The following SPINK13 variants were observed in gnomAD, a reference collection of about 807,000 sequenced individuals.
The protein encoded by SPINK13 is serine peptidase inhibitor Kazal type 13.
Under a neutral mutation model 11.0 loss-of-function variants are expected in SPINK13, and 11 were observed. That is an observed-to-expected ratio of 1.00 (90% CI 0.63 to 1.65). The LOEUF (loss-of-function observed/expected upper bound fraction) is 1.65, where lower values mean the gene tolerates loss of function less well. SPINK13 is among the 40% of genes most tolerant of loss of function. SPINK13 has a pLI of 0.00. For synonymous variants in SPINK13, 31 were observed against 35.6 expected (o/e 0.87, Z 0.46); for missense variants, 113 against 117.7 (o/e 0.96, Z 0.19).
At chr5:148,278,720 G>A (rs2113370699) in intron 3 of SPINK13, among the ~76,000 whole-genome samples, 1 of 152,306 alleles carries the variant, frequency 6.6e-6, no homozygotes, top group South Asian at 2.1e-4. Flanking sequence ...TAAGTGCGAT[G>A]TGGTGCTGAG....
intron 3 of SPINK13, among the ~76,000 whole-genome samples, chr5:148,279,091 C>CTTTTTTTTTTTTTTTTTTTTTTTTTTTT (rs746029113): frequency 1.9e-5 from 1 of 51,656 alleles, no homozygotes; most frequent in Non-Finnish European, 3.6e-5. Context: ...GCAACCCCTG[C>CTTTTTTTTTTTTTTTTTTTTTTTTTTTT]TTTTTTTTTT....
At chr5:148,277,184 G>A (rs1408977055) in intron 3 of SPINK13, among the ~76,000 whole-genome samples, 2 of 152,202 alleles carry the variant, frequency 1.3e-5, no homozygotes, top group Non-Finnish European at 2.9e-5. Flanking sequence ...GGGCTGAGAT[G>A]ATGGAGTTTT....
chr5:148,282,628 AG>A (rs1359352301), intron 4 of SPINK13, among the ~76,000 whole-genome samples: 1 of 152,250 alleles, frequency 6.6e-6, no homozygotes, highest in African/African-American at 2.4e-5. Flanking sequence ...TAAGAGATGT[AG>A]AAAAAGATGC....
intron 1 of SPINK13, 98 bp from the exon 2 acceptor site, chr5:148,269,942 A>T (rs1756324969): frequency 1.3e-6 from 1 of 741,280 alleles, no homozygotes; most frequent in Admixed American, 2.5e-5. Context: ...CACCAGGGCA[A>T]GTGTACAGGA....
chr5:148,285,291 G>T (rs1384620651), intron 4 of SPINK13, among the ~76,000 whole-genome samples: 1 of 152,092 alleles, frequency 6.6e-6, no homozygotes, highest in African/African-American at 2.4e-5. Context: ...AAGTGCATTA[G>T]ATATATATCA....
At chr5:148,280,974 G>A (rs1192238689) in intron 3 of SPINK13, among the ~76,000 whole-genome samples, 1 of 152,166 alleles carries the variant, frequency 6.6e-6, no homozygotes, top group Non-Finnish European at 1.5e-5. Flanking sequence ...TGTCAGTGAT[G>A]CCCTGCCCAG....
intron 3 of SPINK13, among the ~76,000 whole-genome samples, chr5:148,281,633 C>T (rs767389782): frequency 4.6e-5 from 7 of 152,172 alleles, no homozygotes; most frequent in Non-Finnish European, 1.0e-4. Flanking sequence ...TAACCAGTTC[C>T]AGTGAGATAA....
At chr5:148,279,384 T>C (rs976765335) in intron 3 of SPINK13, among the ~76,000 whole-genome samples, 1 of 152,186 alleles carries the variant, frequency 6.6e-6, no homozygotes, top group African/African-American at 2.4e-5. Context: ...TGATGGTCTT[T>C]ACATTTTGGT....
intron 4 of SPINK13, among the ~76,000 whole-genome samples, chr5:148,284,126 C>T (rs181050764): frequency 2.9e-5 from 4 of 135,840 alleles, no homozygotes; most frequent in South Asian, 2.2e-4. Flanking sequence ...CCCTTTCCTT[C>T]CTCTCTTCCT....
At position 148,280,706 on chromosome 5, in the gene SPINK13, G is replaced by A. The variant is rs111693355; in HGVS notation, c.109-1398G>A. On this transcript the variant is annotated intron_variant, in intron 3 of 4. Transcript: ENST00000398450. Reference sequence around the variant, plus strand: ...GATGCCAGCCAGAGCTCTCCTCTTTGAGGTGTCCGTAGACCCCTGCTGGGA... The same window carrying A: ...GATGCCAGCCAGAGCTCTCCTCTTTAAGGTGTCCGTAGACCCCTGCTGGGA... Among the ~76,000 whole-genome samples, 139 of 152,296 alleles carry A rather than the reference G, an allele frequency of 9.1e-4. 3 individuals carry two copies. Among genetic ancestry groups the A allele is most frequent in the African/African-American group, 3.3e-3 (138 of 41,566 alleles).
At position 148,270,025 on chromosome 5, in the gene SPINK13, T is replaced by C; in HGVS notation, c.-33-15T>C. 6.3e-7 allele frequency: 1 copy of C among 1,582,794 alleles called. No individual in the cohort carries two copies. Among genetic ancestry groups the C allele is most frequent in the Non-Finnish European group, 8.7e-7 (1 of 1,152,588 alleles). ...CTGTGGGGGAAACTAAAAACAATCT[T>C]GGGCATGTTCACAGGCCTTATCAAA... On this transcript the variant is annotated splice_polypyrimidine_tract_variant and intron_variant, in intron 1 of 4. Transcript: ENST00000398450.
At position 148,273,980 on chromosome 5, in the gene SPINK13, T is replaced by A. The variant is rs559105182; in HGVS notation, c.71-367T>A. On this transcript the variant is annotated intron_variant, in intron 2 of 4. Coordinates refer to ENST00000398450, the MANE Select transcript of SPINK13 (RefSeq NM_001040129.3). ...CTGGCCTGATACATTACTTACTATATCATATTTACTTTTTTAAATTTTAAA... is the reference window on the plus strand; with the variant it reads ...CTGGCCTGATACATTACTTACTATAACATATTTACTTTTTTAAATTTTAAA... Among the ~76,000 whole-genome samples the A allele has an allele frequency of 1.6e-3, 251 of 152,328 alleles. 2 individuals carry two copies. Among genetic ancestry groups the A allele is most frequent in the African/African-American group, 5.8e-3 (240 of 41,578 alleles).
chr5:148,273,549 C>T (rs935508511), intron 2 of SPINK13, among the ~76,000 whole-genome samples: 3 of 151,920 alleles, frequency 2.0e-5, no homozygotes, highest in African/African-American at 7.3e-5. Flanking sequence ...ATATTCTGAC[C>T]TTTCAGAAGT....
intron 3 of SPINK13, 145 bp downstream of exon 3, chr5:148,274,529 C>A: frequency 1.6e-6 from 1 of 630,868 alleles, no homozygotes; most frequent in Non-Finnish European, 2.7e-6. Context: ...AGGAGGATCA[C>A]CTGAGCCCAG....
At chr5:148,283,403 A>C (rs1202948817) in intron 4 of SPINK13, among the ~76,000 whole-genome samples, 1 of 152,154 alleles carries the variant, frequency 6.6e-6, no homozygotes, top group Non-Finnish European at 1.5e-5. Context: ...AACATACCCT[A>C]TTGCACAGAC....
intron 2 of SPINK13, among the ~76,000 whole-genome samples, chr5:148,271,729 G>A (rs1038703741): frequency 5.3e-5 from 8 of 152,020 alleles, no homozygotes; most frequent in Admixed American, 2.0e-4. Flanking sequence ...GATTCACGCC[G>A]TTCTCCTGCC....
intron 2 of SPINK13, chr5:148,270,904 C>T (rs1259669120): frequency 6.6e-6 from 1 of 152,186 alleles, no homozygotes; most frequent in African/African-American, 2.4e-5. Flanking sequence ...CCTGTAGAAG[C>T]TGGAAAAGGT....
intron 4 of SPINK13, among the ~76,000 whole-genome samples, chr5:148,285,058 C>T (rs1581169822): frequency 6.6e-6 from 1 of 152,210 alleles, no homozygotes; most frequent in South Asian, 2.1e-4. Context: ...AGAATTTACC[C>T]ACAAATGCAG....
chr5:148,271,537 T>A (rs1756350318), intron 2 of SPINK13, among the ~76,000 whole-genome samples: 1 of 152,190 alleles, frequency 6.6e-6, no homozygotes, highest in Non-Finnish European at 1.5e-5. Flanking sequence ...TCTCATGCTC[T>A]TATTTTTAAT....
Sources: allele counts gnomAD v4.1 joint callset (sites outside exome capture counted in the v4.1 genomes callset), GRCh38; gene constraint gnomAD v4.1.1; transcripts MANE v1.5; gene names NCBI Gene and HGNC (gene_info 2026-07-23, HGNC 2026-07-21).